MYRFL: variants seen among roughly 807,000 people sequenced by gnomAD.
The protein encoded by MYRFL is myelin regulatory factor-like protein.
Under a neutral mutation model 109.4 loss-of-function variants are expected in MYRFL, and 88 were observed. The observed-to-expected ratio is 0.80, with a 90% CI of 0.68 to 0.96. The LOEUF is 0.96. Among genes scored for constraint, MYRFL ranks in the 40% least tolerant of loss-of-function variants. The pLI is 0.00. For synonymous variants in MYRFL, 324 were observed against 320.9 expected, an observed-to-expected ratio of 1.01 and a Z score of -0.10; for missense variants, 957 against 954.9, an observed-to-expected ratio of 1.00 and a Z score of -0.03.
In MYRFL at chr12:69,910,064, T is replaced by A. The variant is rs1487506725; in HGVS notation, c.1479T>A (p.Thr493=). ...PEFASAMGIN[T]AHQTGMIAQE... is the part of the protein sequence containing the mutation. ...TTGCATCTGCAATGGGAATAAACACTGCCCATCAAACAGGTACACACACAA... is the reference window on the plus strand; with the variant it reads ...TTGCATCTGCAATGGGAATAAACACAGCCCATCAAACAGGTACACACACAA... Residue 493 remains threonine, a synonymous_variant, in exon 12 of 25, where the codon ACT becomes ACA. Transcript: ENST00000552032. The A allele has an allele frequency of 6.6e-6, 10 of 1,526,540 alleles. No homozygotes were observed. The highest frequency in any genetic ancestry group is 8.7e-6 in the Non-Finnish European group (10 of 1,143,680). The allele number at this position is 1,526,540 out of a possible 1,614,324, so 94.6% of individuals were successfully genotyped here.
intron 2 of MYRFL, among the ~76,000 whole-genome samples, chr12:69,865,682 T>C (rs75634508): frequency 0.016 from 2,442 of 152,266 alleles, 27 homozygotes; most frequent in African/African-American, 0.024. Context: ...CTGAGCTACC[T>C]GGGAGGTCTG....
At chr12:69,953,595 C>A (rs562819384) in intron 21 of MYRFL, among the ~76,000 whole-genome samples, 1 of 150,820 alleles carries the variant, frequency 6.6e-6, no homozygotes, top group African/African-American at 2.5e-5. Context: ...ATGATGAGAT[C>A]CTGTCTCTCC....
intron 2 of MYRFL, among the ~76,000 whole-genome samples, chr12:69,860,543 A>T (rs1221987604): frequency 6.6e-6 from 1 of 152,040 alleles, no homozygotes; most frequent in Non-Finnish European, 1.5e-5. Context: ...CAACTTAGAC[A>T]ATTTATATTT....
At chr12:69,873,345 G>T (rs1479402145) in intron 2 of MYRFL, among the ~76,000 whole-genome samples, 2 of 152,180 alleles carry the variant, frequency 1.3e-5, no homozygotes. Context: ...CAGCCCACGG[G>T]TGGCGGGTTG....
chr12:69,882,143 C>T (rs1051957510), intron 5 of MYRFL, among the ~76,000 whole-genome samples: 3 of 152,120 alleles, frequency 2.0e-5, no homozygotes, highest in African/African-American at 7.2e-5. Context: ...AGAGAACAAC[C>T]ATGGAAGAGT....
Position 69,825,438 on chromosome 12 carries a change from C to G in MYRFL, c.-80C>G. The G allele has an allele frequency of 2.9e-6, 2 of 693,372 alleles. No individual in the cohort carries two copies. Among genetic ancestry groups the G allele is most frequent in the East Asian group, 5.4e-5 (2 of 37,208 alleles). The allele number at this position is 693,372 out of a possible 1,614,324, so 43.0% of individuals were successfully genotyped here. On this transcript the variant is annotated 5_prime_UTR_variant, in exon 1 of 25. Transcript: ENST00000552032. ...ATTTTTCAAGAGCATTCGTAGGCTT[C>G]GAATCAAAAGGACAGTACTTATTTC...
At position 69,957,922 on chromosome 12, in the gene MYRFL, A is replaced by G; in HGVS notation, c.2551A>G (p.Ile851Val). 6.5e-7 allele frequency: 1 copy of G among 1,534,270 alleles called. No individual in the cohort carries two copies. The highest frequency in any genetic ancestry group is 8.7e-7 in the Non-Finnish European group (1 of 1,145,538). Reference protein sequence around the residue: ...GTKGLESHREISQEMTQGYQH... With the variant: ...GTKGLESHREVSQEMTQGYQH... ...CAAAGGGCTGGAAAGCCACAGAGAA[A>G]TCTCCCAGGAGATGACACAGGTAAT... The change falls in exon 23 of 25, where the codon ATC becomes GTC. Residue 851 changes from isoleucine to valine, a missense_variant. Ile to Val is a conservative substitution (Grantham distance 29). Coordinates refer to ENST00000552032, the MANE Select transcript of MYRFL (RefSeq NM_182530.3).
chr12:69,840,091 C>T (rs528792852), intron 1 of MYRFL, among the ~76,000 whole-genome samples: 4 of 152,210 alleles, frequency 2.6e-5, no homozygotes, highest in South Asian at 4.2e-4. Context: ...TTAGAAAAAC[C>T]GATGCAAACA....
At chr12:69,944,909 C>G (rs1162085497) in intron 19 of MYRFL, among the ~76,000 whole-genome samples, 1 of 151,802 alleles carries the variant, frequency 6.6e-6, no homozygotes, top group Non-Finnish European at 1.5e-5. Context: ...CCAAGTTACA[C>G]TAATATGACC....
At chr12:69,908,568 G>T (rs1211849291) in intron 11 of MYRFL, among the ~76,000 whole-genome samples, 1 of 152,140 alleles carries the variant, frequency 6.6e-6, no homozygotes, top group South Asian at 2.1e-4. Context: ...CTTCATCATC[G>T]CTAGGAAGCC....
rs370883625 is a variant in MYRFL at position 69,891,144 on chromosome 12, A to G, written c.881A>G (p.Tyr294Cys). Residue 294 changes from tyrosine to cysteine, a missense_variant, in exon 7 of 25, where the codon TAC (tyrosine) becomes TGC (cysteine). Coordinates refer to ENST00000552032, the MANE Select transcript of MYRFL (RefSeq NM_182530.3). ...GGCCTAAAGCCAATAGAAATGTTTT[A>G]CTTGAAAGTTTTTGGCACTAAGGTA... is the stretch of plus-strand genomic sequence containing the variant. ...EMGLKPIEMF[Y>C]LKVFGTKVEA... 7.3e-4 allele frequency: 1,116 copies of G among 1,519,278 alleles called. 3 individuals are homozygous for G. The highest frequency in any genetic ancestry group is 9.3e-4 in the Non-Finnish European group (1,061 of 1,140,854). The allele number at this position is 1,519,278 out of a possible 1,614,324, so 94.1% of individuals were successfully genotyped here.
At chr12:69,914,375 CTA>C (rs1451059959) in intron 13 of MYRFL, among the ~76,000 whole-genome samples, 1 of 152,016 alleles carries the variant, frequency 6.6e-6, no homozygotes, top group African/African-American at 2.4e-5. Flanking sequence ...ATAAACACAG[CTA>C]TTAGTCCCAG....
chr12:69,889,796 G>T (rs555204876), intron 6 of MYRFL, among the ~76,000 whole-genome samples: 3 of 152,150 alleles, frequency 2.0e-5, no homozygotes, highest in South Asian at 2.1e-4. Context: ...GGCGGAGGTC[G>T]CAGTGAGCTG....
chr12:69,825,530 G>C lies in MYRFL; in HGVS notation c.13G>C (p.Gly5Arg), dbSNP rs1347436132. 1.4e-6 allele frequency: 1 copy of C among 701,970 alleles called. No individual in the cohort carries two copies. The allele number at this position is 701,970 out of a possible 1,614,324, so 43.5% of individuals were successfully genotyped here. The stretch of plus-strand genomic sequence containing the variant: ...GGATCACAGTACCATGGATGTGGTA[G>C]GCGAAAATGAGGCCCTGCAGCAGTT... Reference protein sequence around the residue: MDVVGENEALQQFFE... With the variant: MDVVRENEALQQFFE... Residue 5 changes from glycine (G) to arginine (R), a missense_variant, in exon 1 of 25, where the codon GGC becomes CGC. Transcript: ENST00000552032.
rs1202742335 is a variant in MYRFL at position 69,879,374 on chromosome 12, AC to A, written c.391del (p.Leu131TrpfsTer11). The A allele has an allele frequency of 2.8e-6, 2 of 702,430 alleles. No individual in the cohort carries two copies. Among genetic ancestry groups the A allele is most frequent in the Non-Finnish European group, 5.2e-6 (2 of 384,728 alleles). The allele number at this position is 702,430 out of a possible 1,614,324, so 43.5% of individuals were successfully genotyped here. ...CCACTCAAACGCCAGTCATCTTGCC[AC>A]CCCCCTGGACCAATCCGTGTCCTCC... ...SCHSNASHLA[T>X]PLDQSVSSHL... On this transcript the variant is annotated frameshift_variant, in exon 4 of 25. Transcript: ENST00000552032. LOFTEE classifies it high-confidence loss of function.
chr12:69,925,590 G>C (rs1027478985), intron 13 of MYRFL, among the ~76,000 whole-genome samples: 3 of 152,098 alleles, frequency 2.0e-5, no homozygotes, highest in African/African-American at 7.2e-5. Context: ...AGGTCATGGG[G>C]TTGGAATGTG....
chr12:69,889,489 AC>A, intron 6 of MYRFL, among the ~76,000 whole-genome samples: 1 of 152,104 alleles, frequency 6.6e-6, no homozygotes. Context: ...TATTATACTT[AC>A]CCTAATCCAA....
At chr12:69,885,724 G>A (rs1415529232) in intron 5 of MYRFL, among the ~76,000 whole-genome samples, 1 of 152,128 alleles carries the variant, frequency 6.6e-6, no homozygotes, top group Non-Finnish European at 1.5e-5. Context: ...AAAATAGGAG[G>A]TTGCACATGT....
chr12:69,946,988 T>C (rs1399120143), intron 19 of MYRFL: 2 of 152,382 alleles, frequency 1.3e-5, no homozygotes, highest in Admixed American at 1.3e-4. Context: ...TCCATTGCAA[T>C]GTCCCTGATG....
Sources: gnomAD v4.1 joint callset for allele counts (sites outside exome capture counted in the v4.1 genomes callset) on GRCh38, gnomAD v4.1.1 for gene constraint, MANE v1.5 for transcripts, NCBI Gene and HGNC (gene_info 2026-07-23, HGNC 2026-07-21) for gene names.